Variants in VAV2 observed in about 807,000 individuals in gnomAD.
VAV2 encodes vav guanine nucleotide exchange factor 2, also known as guanine nucleotide exchange factor VAV2.
VAV2 carries 67 observed loss-of-function variants against 132.5 expected under a neutral mutation model. That is an observed-to-expected ratio of 0.51 (90% CI 0.42 to 0.62). VAV2 has a LOEUF of 0.62. Among genes scored for constraint, VAV2 ranks in the 20% least tolerant of loss-of-function variants. The pLI, the probability that VAV2 is intolerant of heterozygous loss-of-function variation, is 0.00. For missense variants in VAV2, 938 were observed against 1,153.6 expected, an observed-to-expected ratio of 0.81 and a Z score of 2.71; for synonymous variants, 492 against 443.5, an observed-to-expected ratio of 1.11 and a Z score of -1.37.
intron 5 of VAV2, among the ~76,000 whole-genome samples, chr9:133,811,822 G>A (rs1241058694): frequency 2.6e-5 from 4 of 152,226 alleles, no homozygotes; most frequent in African/African-American, 2.4e-5. Context: ...CAACACGGGC[G>A]GGGGTCATGA....
intron 3 of VAV2, among the ~76,000 whole-genome samples, chr9:133,859,448 C>G (rs1358955564): frequency 1.3e-5 from 2 of 152,194 alleles, no homozygotes; most frequent in Non-Finnish European, 2.9e-5. Context: ...CCAATTGCCT[C>G]CCCAGGAACA....
intron 9 of VAV2, among the ~76,000 whole-genome samples, chr9:133,801,011 C>A (rs1412396714): frequency 1.3e-5 from 2 of 152,184 alleles, no homozygotes; most frequent in Admixed American, 1.3e-4. Context: ...GAGGAGACTG[C>A]CCCGGGTGAC....
chr9:133,880,001 A>G (rs951259182), intron 2 of VAV2, among the ~76,000 whole-genome samples: 5 of 152,254 alleles, frequency 3.3e-5, no homozygotes, highest in Admixed American at 2.6e-4. Context: ...CTTTTCCCAG[A>G]AAAGATTTTC....
intron 1 of VAV2, among the ~76,000 whole-genome samples, chr9:133,967,822 A>ACTC (rs1293427618): frequency 1.3e-5 from 2 of 151,292 alleles, no homozygotes; most frequent in Non-Finnish European, 2.9e-5. Flanking sequence ...AGTACCAGCT[A>ACTC]CTCAGGAGGC....
rs964647118 is a variant in VAV2, at chr9:133,824,988, C to G, written c.449+9284G>C. Among the ~76,000 whole-genome samples, 48 of 152,336 alleles carry G rather than the reference C, an allele frequency of 3.2e-4. No homozygotes were observed. The highest frequency in any genetic ancestry group is 1.0e-3 in the African/African-American group (42 of 41,580). On this transcript the variant is annotated intron_variant, in intron 4 of 29. Transcript: ENST00000371850. The surrounding 1 kb of genome is among the most constrained non-coding windows in gnomAD (Gnocchi z 5.2). ...TCCATTCTGCCAGTCCCCACAGAGG[C>G]CTGGCCTCACAGAGTCACACCGAGG...
At chr9:133,860,799 T>C (rs1330986937) in intron 3 of VAV2, among the ~76,000 whole-genome samples, 1 of 152,124 alleles carries the variant, frequency 6.6e-6, no homozygotes, top group Non-Finnish European at 1.5e-5. Flanking sequence ...CTGGGGCTGT[T>C]CTCTCCTCTC....
intron 3 of VAV2, among the ~76,000 whole-genome samples, chr9:133,856,878 AC>A (rs1253106139): frequency 4.0e-5 from 6 of 151,544 alleles, no homozygotes; most frequent in Non-Finnish European, 8.8e-5. Context: ...ATCTGCGAAA[AC>A]CCTTTTCCTC....
rs929788306 is a variant in VAV2 at position 133,884,663 on chromosome 9, C to T, written c.322-23231G>A. On this transcript the variant is annotated intron_variant, in intron 2 of 29. Coordinates refer to ENST00000371850, the MANE Select transcript of VAV2 (RefSeq NM_001134398.2). This position sits in a 1 kb window ranked among gnomAD's most constrained non-coding sequence, Gnocchi z 5.3. ...ATAAGATGCTTCAATAAGAAGCTTG[C>T]TAAAAAGAAAAACAAAAAAAAACAC... 1.3e-5 allele frequency among the ~76,000 whole-genome samples: 2 copies of T among 151,570 alleles called. No homozygotes were observed. The highest frequency in any genetic ancestry group is 2.4e-5 in the African/African-American group (1 of 41,194).
At chr9:133,953,328 C>T (rs1841631237) in intron 1 of VAV2, among the ~76,000 whole-genome samples, 1 of 152,352 alleles carries the variant, frequency 6.6e-6, no homozygotes, top group Middle Eastern at 3.4e-3. Context: ...ACAACAGGCA[C>T]TTGGAATGGC....
chr9:133,820,754 G>A (rs964439314), intron 4 of VAV2, among the ~76,000 whole-genome samples: 1 of 152,234 alleles, frequency 6.6e-6, no homozygotes, highest in Non-Finnish European at 1.5e-5. Context: ...CTGGGAGGAA[G>A]AGGGAACCCT....
chr9:133,942,931 G>C (rs374658314), intron 1 of VAV2, among the ~76,000 whole-genome samples: 6 of 152,180 alleles, frequency 3.9e-5, no homozygotes, highest in East Asian at 1.9e-4. Flanking sequence ...TGGGGGCCAC[G>C]TCAGGCTCCA....
chr9:133,795,248 A>C (rs899983859), intron 12 of VAV2, among the ~76,000 whole-genome samples: 1 of 152,208 alleles, frequency 6.6e-6, no homozygotes, highest in African/African-American at 2.4e-5. Context: ...GGGGCCCTCG[A>C]AACAGCCAGG....
At chr9:133,807,624 G>A (rs1442377541) in intron 7 of VAV2, among the ~76,000 whole-genome samples, 1 of 152,230 alleles carries the variant, frequency 6.6e-6, no homozygotes, top group Non-Finnish European at 1.5e-5. Context: ...TGGGCGTTGG[G>A]GTTGTGGCTT....
At chr9:133,901,167 T>C (rs937825116) in intron 2 of VAV2, among the ~76,000 whole-genome samples, 1 of 152,164 alleles carries the variant, frequency 6.6e-6, no homozygotes, top group African/African-American at 2.4e-5. Flanking sequence ...TCTCAACTGA[T>C]ATTGAAAACC....
chr9:133,965,546 AT>A (rs1381252821), intron 1 of VAV2, among the ~76,000 whole-genome samples: 1 of 151,988 alleles, frequency 6.6e-6, no homozygotes, highest in Non-Finnish European at 1.5e-5. Flanking sequence ...CAGCTACAAA[AT>A]AATTAAAATT....
chr9:133,897,890 A>C lies in VAV2; in HGVS notation c.322-36458T>G, dbSNP rs564801279. ...AATGTCTCCCTGCCAGGGAGACAGC[A>C]GCCTCTGCCAATTAAAACTCCTCTT... On this transcript the variant is annotated intron_variant, in intron 2 of 29. Coordinates refer to ENST00000371850, the MANE Select transcript of VAV2 (RefSeq NM_001134398.2). Among the ~76,000 whole-genome samples, 10 of 152,240 alleles carry C rather than the reference A, an allele frequency of 6.6e-5. No individual in the cohort carries two copies. In the South Asian group the frequency reaches 2.1e-3, roughly 32 times the overall value.
chr9:133,920,188 C>T (rs1427590411), intron 2 of VAV2, among the ~76,000 whole-genome samples: 1 of 152,206 alleles, frequency 6.6e-6, no homozygotes, highest in Non-Finnish European at 1.5e-5. Flanking sequence ...TGAGAGCCTC[C>T]TTCTAGTCAG....
At chr9:133,771,330 C>T (rs927976480) in intron 26 of VAV2, among the ~76,000 whole-genome samples, 1 of 152,084 alleles carries the variant, frequency 6.6e-6, no homozygotes, top group Non-Finnish European at 1.5e-5. Context: ...TCCCAGAGTG[C>T]TGGGATTACA....
At chr9:133,829,140 C>T (rs1324728756) in intron 4 of VAV2, among the ~76,000 whole-genome samples, 1 of 152,250 alleles carries the variant, frequency 6.6e-6, no homozygotes, top group Non-Finnish European at 1.5e-5. Flanking sequence ...AAGGGAAGCG[C>T]AGTGCCTGCC....
Sources: allele counts gnomAD v4.1 joint callset (sites outside exome capture counted in the v4.1 genomes callset), GRCh38; gene constraint gnomAD v4.1.1; non-coding constraint Gnocchi (gnomAD v3.1); transcripts MANE v1.5; gene names NCBI Gene and HGNC (gene_info 2026-07-23, HGNC 2026-07-21).